The following CCSER1 variants were observed in gnomAD, a reference collection of about 807,000 sequenced individuals.
The protein encoded by CCSER1 is serine-rich coiled-coil domain-containing protein 1.
CCSER1 carries 41 observed loss-of-function variants against 82.0 expected under a neutral mutation model. That is an observed-to-expected ratio of 0.50 (90% CI 0.39 to 0.65). The LOEUF is 0.65. Ranked by LOEUF, CCSER1 falls within the 30% of genes least tolerant of loss-of-function variation. The probability of loss-of-function intolerance (pLI) is 0.00; values close to 1 mark genes in which losing one functional copy is unlikely to be tolerated. For synonymous variants in CCSER1, 414 were observed against 383.9 expected, an observed-to-expected ratio of 1.08 and a Z score of -0.92; for missense variants, 1,119 against 1,064.2, an observed-to-expected ratio of 1.05 and a Z score of -0.72.
intron 10 of CCSER1, among the ~76,000 whole-genome samples, chr4:91,536,155 T>C (rs1210329484): frequency 6.6e-6 from 1 of 152,140 alleles, no homozygotes; most frequent in East Asian, 1.9e-4. Context: ...TGTGGAAGAA[T>C]GAACAGTTGT....
At chr4:90,138,176 G>A (rs181538113) in intron 1 of CCSER1, among the ~76,000 whole-genome samples, 33 of 152,268 alleles carry the variant, frequency 2.2e-4, no homozygotes, top group Admixed American at 2.1e-3. Flanking sequence ...TACTACTTAA[G>A]AGTGACGTGG....
At chr4:90,301,094 G>A (rs1161681527) in intron 1 of CCSER1, among the ~76,000 whole-genome samples, 3 of 151,946 alleles carry the variant, frequency 2.0e-5, no homozygotes, top group Non-Finnish European at 2.9e-5. Flanking sequence ...TCAGCCTCCC[G>A]AAATGTTGGG....
At chr4:91,424,124 C>G (rs552798379) in intron 10 of CCSER1, among the ~76,000 whole-genome samples, 1 of 145,804 alleles carries the variant, frequency 6.9e-6, no homozygotes, top group Non-Finnish European at 1.5e-5. Context: ...TCACGCCATT[C>G]TCCTGCCTCA....
intron 10 of CCSER1, among the ~76,000 whole-genome samples, chr4:91,564,177 T>TGGCAGTTCTGC (rs1762780408): frequency 6.6e-6 from 1 of 151,924 alleles, no homozygotes; most frequent in African/African-American, 2.4e-5. Context: ...CTAAGGATAA[T>TGGCAGTTCTGC]TGTCTCCAGC....
chr4:91,121,959 A>G (rs1727129029), intron 10 of CCSER1, among the ~76,000 whole-genome samples: 1 of 151,734 alleles, frequency 6.6e-6, no homozygotes. Flanking sequence ...ATTTTAACAT[A>G]TAAAAAGTCA....
chr4:90,640,540 C>A (rs1726304954), intron 6 of CCSER1, among the ~76,000 whole-genome samples: 1 of 152,018 alleles, frequency 6.6e-6, no homozygotes. Flanking sequence ...GCATAGTGAT[C>A]ACAGGATACA....
intron 1 of CCSER1, among the ~76,000 whole-genome samples, chr4:90,295,255 T>C (rs1436018998): frequency 1.3e-5 from 2 of 152,066 alleles, no homozygotes; most frequent in East Asian, 3.9e-4. Flanking sequence ...TGATAAATAA[T>C]TTTAATTTTT....
At chr4:90,707,986 T>C (rs1739728228) in intron 6 of CCSER1, among the ~76,000 whole-genome samples, 1 of 152,194 alleles carries the variant, frequency 6.6e-6, no homozygotes, top group African/African-American at 2.4e-5. Context: ...ACTCTTTCCT[T>C]TCATTTCAGT....
chr4:90,736,954 G>A lies in CCSER1; in HGVS notation c.2010+12963G>A, dbSNP rs556587443. Among the ~76,000 whole-genome samples the A allele has an allele frequency of 1.4e-4, 22 of 151,906 alleles. No homozygotes were observed. The South Asian group carries it at 3.9e-3, about 27-fold the overall frequency. On this transcript the variant is annotated intron_variant, in intron 7 of 10. Coordinates refer to ENST00000509176, the MANE Select transcript of CCSER1 (RefSeq NM_001145065.2). ...TAGGTTTAAAATGCAATGACAACAT[G>A]GATTGCATGAACAAACAAACAAGTA...
At chr4:90,228,829 A>G (rs1390640884) in intron 1 of CCSER1, among the ~76,000 whole-genome samples, 1 of 152,250 alleles carries the variant, frequency 6.6e-6, no homozygotes. Context: ...AGAATGCAGA[A>G]GCCTCAGGAG....
intron 10 of CCSER1, among the ~76,000 whole-genome samples, chr4:91,155,126 C>T (rs1730682753): frequency 6.6e-6 from 1 of 151,788 alleles, no homozygotes; most frequent in Non-Finnish European, 1.5e-5. Flanking sequence ...TATTAGGTAT[C>T]TATTTGGAAA....
chr4:90,249,276 G>A (rs116116990), intron 1 of CCSER1, among the ~76,000 whole-genome samples: 98 of 152,206 alleles, frequency 6.4e-4, no homozygotes, highest in African/African-American at 2.3e-3. Flanking sequence ...TACTAATTTT[G>A]TCAATGCAAA....
At chr4:90,333,270 G>C (rs943937597) in intron 3 of CCSER1, among the ~76,000 whole-genome samples, 2 of 152,108 alleles carry the variant, frequency 1.3e-5, no homozygotes, top group South Asian at 4.1e-4. Context: ...TACATAGGGT[G>C]CTCTCTTGCC....
rs190263561 is a variant in CCSER1 at position 91,370,660 on chromosome 4, C to T, written c.2218-227912C>T. On this transcript the variant is annotated intron_variant, in intron 10 of 10. Transcript: ENST00000509176. ...GCAGTGAGCCGAGATCATGCCATTG[C>T]ACTCCAGCCTGGGCGACAGAATGAG... Among the ~76,000 whole-genome samples the T allele has an allele frequency of 9.2e-3, 1,401 of 151,760 alleles. 24 individuals are homozygous for T. The highest frequency in any genetic ancestry group is 0.032 in the African/African-American group (1,329 of 41,328).
chr4:90,324,883 A>G (rs919127080), intron 3 of CCSER1, among the ~76,000 whole-genome samples: 2 of 152,142 alleles, frequency 1.3e-5, no homozygotes, highest in African/African-American at 2.4e-5. Flanking sequence ...TCAGCTTTCT[A>G]CATATGGCTA....
intron 8 of CCSER1, among the ~76,000 whole-genome samples, chr4:90,818,006 G>A (rs1461922795): frequency 6.6e-6 from 1 of 152,012 alleles, no homozygotes; most frequent in Non-Finnish European, 1.5e-5. Flanking sequence ...TAATAATTTA[G>A]AACTGATTCA....
At chr4:91,102,718 G>A (rs1182210309) in intron 10 of CCSER1, among the ~76,000 whole-genome samples, 1 of 152,142 alleles carries the variant, frequency 6.6e-6, no homozygotes, top group Non-Finnish European at 1.5e-5. Flanking sequence ...CAGTGTTTTT[G>A]TGTGTGCAAC....
At chr4:90,795,205 T>G (rs1381560509) in intron 7 of CCSER1, among the ~76,000 whole-genome samples, 1 of 150,650 alleles carries the variant, frequency 6.6e-6, no homozygotes, top group Non-Finnish European at 1.5e-5. Flanking sequence ...AAGAATCACT[T>G]GAAACCAGAA....
intron 10 of CCSER1, among the ~76,000 whole-genome samples, chr4:91,439,318 G>A (rs1471780263): frequency 2.0e-5 from 3 of 152,034 alleles, no homozygotes; most frequent in East Asian, 3.9e-4. Flanking sequence ...GAGAGTGGGG[G>A]CCAATATTCA....
Sources: allele counts gnomAD v4.1 joint callset (sites outside exome capture counted in the v4.1 genomes callset), GRCh38; gene constraint gnomAD v4.1.1; transcripts MANE v1.5; gene names NCBI Gene and HGNC (gene_info 2026-07-23, HGNC 2026-07-21).